SORCS3: variants seen among roughly 807,000 people sequenced by gnomAD.
SORCS3 encodes VPS10 domain-containing receptor SorCS3.
SORCS3 carries 57 observed loss-of-function variants against 146.3 expected under a neutral mutation model. That is an observed-to-expected ratio of 0.39 (90% confidence interval 0.31 to 0.49). SORCS3 has a LOEUF of 0.49. Among genes scored for constraint, SORCS3 ranks in the 20% least tolerant of loss-of-function variants. The pLI is 0.92. For missense variants in SORCS3, 1,341 were observed against 1,575.5 expected (o/e 0.85, Z 2.52); for synonymous variants, 653 against 618.5 (o/e 1.06, Z -0.83).
chr10:105,155,947 C>T (rs987685352), intron 9 of SORCS3, among the ~76,000 whole-genome samples: 16 of 152,104 alleles, frequency 1.1e-4, no homozygotes, highest in Admixed American at 8.5e-4. Flanking sequence ...AATCAGGTTA[C>T]TTAAAAAAAG....
intron 5 of SORCS3, among the ~76,000 whole-genome samples, chr10:105,071,601 C>T (rs535116798): frequency 5.9e-5 from 9 of 152,016 alleles, no homozygotes; most frequent in Non-Finnish European, 7.4e-5. Flanking sequence ...TACAGGCATG[C>T]GATGTGAAAT....
At chr10:104,971,443 A>C (rs970159282) in intron 3 of SORCS3, among the ~76,000 whole-genome samples, 3 of 152,252 alleles carry the variant, frequency 2.0e-5, no homozygotes, top group African/African-American at 7.2e-5. Flanking sequence ...AAGCAGAGTC[A>C]AGGATGCATC....
intron 1 of SORCS3, among the ~76,000 whole-genome samples, chr10:104,684,353 A>G (rs72813617): frequency 0.072 from 10,988 of 152,244 alleles, 528 homozygotes; most frequent in Admixed American, 0.12. Context: ...TCTTATTCCT[A>G]TCTTTAATTG....
At chr10:105,191,026 G>A (rs2056513975) in intron 14 of SORCS3, among the ~76,000 whole-genome samples, 1 of 152,182 alleles carries the variant, frequency 6.6e-6, no homozygotes, top group South Asian at 2.1e-4. Context: ...CAGGATTGGG[G>A]CTCTCATCTG....
chr10:105,208,018 A>G (rs1344289809), intron 16 of SORCS3, among the ~76,000 whole-genome samples: 1 of 152,144 alleles, frequency 6.6e-6, no homozygotes, highest in African/African-American at 2.4e-5. Flanking sequence ...ACCACAGCCC[A>G]ATGTTTCCAC....
chr10:104,810,758 G>A (rs569850847), intron 1 of SORCS3, among the ~76,000 whole-genome samples: 1 of 152,292 alleles, frequency 6.6e-6, no homozygotes, highest in African/African-American at 2.4e-5. Flanking sequence ...TTACATACTT[G>A]TCATCTGATT....
At chr10:104,847,765 C>T (rs996831891) in intron 2 of SORCS3, among the ~76,000 whole-genome samples, 2 of 152,132 alleles carry the variant, frequency 1.3e-5, no homozygotes, top group Admixed American at 6.5e-5. Flanking sequence ...CTTTATTGCA[C>T]CCACCCTTAG....
intron 5 of SORCS3, among the ~76,000 whole-genome samples, chr10:105,044,681 C>A (rs867479531): frequency 1.3e-5 from 2 of 148,768 alleles, no homozygotes; most frequent in Middle Eastern, 6.9e-3. Flanking sequence ...TATGAAAAAT[C>A]AACTGTTTTT....
At chr10:105,193,632 T>C (rs1428921847) in intron 14 of SORCS3, among the ~76,000 whole-genome samples, 1 of 152,198 alleles carries the variant, frequency 6.6e-6, no homozygotes, top group Non-Finnish European at 1.5e-5. Context: ...CAACTCATTC[T>C]TTGAACACAT....
chr10:105,195,503 G>T (rs1022217030), intron 14 of SORCS3, among the ~76,000 whole-genome samples: 2 of 152,178 alleles, frequency 1.3e-5, no homozygotes, highest in Non-Finnish European at 2.9e-5. Context: ...GAAAAGAGAA[G>T]AAAAATATTT....
intron 2 of SORCS3, among the ~76,000 whole-genome samples, chr10:104,870,058 G>C (rs958196927): frequency 1.3e-5 from 2 of 152,188 alleles, no homozygotes; most frequent in African/African-American, 4.8e-5. Context: ...AAGAGCTCTA[G>C]AAATGCTCTC....
intron 3 of SORCS3, among the ~76,000 whole-genome samples, chr10:104,955,925 G>A (rs993265282): frequency 6.6e-6 from 1 of 152,158 alleles, no homozygotes; most frequent in Non-Finnish European, 1.5e-5. Context: ...TGTAACTTAA[G>A]CAGGTAATTT....
At chr10:105,128,499 GC>G (rs2055992329) in intron 7 of SORCS3, among the ~76,000 whole-genome samples, 1 of 152,042 alleles carries the variant, frequency 6.6e-6, no homozygotes, top group South Asian at 2.1e-4. Flanking sequence ...TGTTTGCCTT[GC>G]CCTTTCAGGA....
chr10:105,201,331 G>A, intron 16 of SORCS3, 78 bp downstream of exon 16: 1 of 1,509,714 alleles, frequency 6.6e-7, no homozygotes, highest in South Asian at 1.3e-5. Context: ...TGAAGATGAA[G>A]TTAGGAGAGG....
chr10:105,248,688 C>A (rs11192380), intron 22 of SORCS3, among the ~76,000 whole-genome samples: 11,339 of 138,396 alleles, frequency 0.082, 527 homozygotes, highest in Middle Eastern at 0.21. Context: ...GCACTCCAGC[C>A]TGGTGACAGA....
chr10:104,990,855 G>A (rs1564729852), intron 4 of SORCS3, among the ~76,000 whole-genome samples: 1 of 152,182 alleles, frequency 6.6e-6, no homozygotes, highest in Admixed American at 6.5e-5. Context: ...ATGCAGTCTG[G>A]CTACCTTGAT....
At chr10:105,158,073 C>A (rs562538352) in intron 10 of SORCS3, among the ~76,000 whole-genome samples, 3 of 152,254 alleles carry the variant, frequency 2.0e-5, no homozygotes, top group African/African-American at 7.2e-5. Flanking sequence ...AATTTTCAGC[C>A]TTATTCCATA....
intron 1 of SORCS3, among the ~76,000 whole-genome samples, chr10:104,663,769 A>T (rs74155013): frequency 0.11 from 15,989 of 152,218 alleles, 911 homozygotes; most frequent in Admixed American, 0.14. Flanking sequence ...GAACACATGC[A>T]TGCTGCTGCT....
chr10:105,029,315 A>C (rs1185324670), intron 4 of SORCS3, among the ~76,000 whole-genome samples: 1 of 152,152 alleles, frequency 6.6e-6, no homozygotes, highest in East Asian at 1.9e-4. Context: ...TCTCCACCCA[A>C]GTTTCTTTCT....
Sources: allele counts gnomAD v4.1 joint callset (sites outside exome capture counted in the v4.1 genomes callset), GRCh38; gene constraint gnomAD v4.1.1; transcripts MANE v1.5; gene names NCBI Gene and HGNC (gene_info 2026-07-23, HGNC 2026-07-21).